The following HORMAD2 variants were observed in gnomAD, a reference collection of about 807,000 sequenced individuals.
HORMAD2 encodes the protein HORMA domain containing 2.
A neutral mutation model predicts 38.8 loss-of-function variants in HORMAD2; 45 were observed. The ratio of observed to expected loss-of-function variants is 1.16; its 90% CI spans 0.91 to 1.49. The LOEUF (loss-of-function observed/expected upper bound fraction) is 1.49, where lower values mean the gene tolerates loss of function less well. Ranked by LOEUF, HORMAD2 falls within the 40% of genes most tolerant of loss-of-function variation. HORMAD2 has a pLI of 0.00. For synonymous variants in HORMAD2, 126 were observed against 122.8 expected (o/e 1.03, Z -0.17); for missense variants, 338 against 367.0 (o/e 0.92, Z 0.65).
rs568215616 is a variant in HORMAD2, at chr22:30,094,585, T to C, written c.51+582T>C. Among the ~76,000 whole-genome samples the C allele has an allele frequency of 8.5e-5, 13 of 152,272 alleles. No individual in the cohort carries two copies. The South Asian group carries it at 2.7e-3, about 32-fold the overall frequency. On this transcript the variant is annotated intron_variant, in intron 2 of 10. Transcript: ENST00000336726. ...CATCTTCCAAAAGTTTATAATCTGGTTAGGAGTTAAGTCAATATACAAAGC... is the reference window on the plus strand; with the variant it reads ...CATCTTCCAAAAGTTTATAATCTGGCTAGGAGTTAAGTCAATATACAAAGC...
intron 10 of HORMAD2, among the ~76,000 whole-genome samples, chr22:30,154,302 A>C (rs1167982245): frequency 6.6e-6 from 1 of 152,220 alleles, no homozygotes; most frequent in African/African-American, 2.4e-5. Flanking sequence ...TAAAATCTAC[A>C]TTTTTGTATA....
downstream of HORMAD2, among the ~76,000 whole-genome samples, chr22:30,177,721 T>C (rs2123754253): frequency 6.7e-6 from 1 of 149,464 alleles, no homozygotes; most frequent in East Asian, 2.0e-4. Context: ...GGAGCTTTTT[T>C]TTTTTTTTTT....
intron 1 of HORMAD2, among the ~76,000 whole-genome samples, chr22:30,087,550 G>A (rs1334349655): frequency 6.6e-6 from 1 of 152,146 alleles, no homozygotes; most frequent in Non-Finnish European, 1.5e-5. Flanking sequence ...CTGAGACTGG[G>A]TAATTTATAA....
the HORMAD2 span, among the ~76,000 whole-genome samples, chr22:30,186,358 C>CTTTTTTTTTTTTT: frequency 7.5e-6 from 1 of 133,008 alleles, no homozygotes; most frequent in African/African-American, 2.8e-5. Context: ...TCCTTCTGTC[C>CTTTTTTTTTTTTT]TTTTTTTTTT....
intron 7 of HORMAD2, among the ~76,000 whole-genome samples, chr22:30,114,260 A>G (rs5753013): frequency 0.16 from 23,945 of 152,144 alleles, 4,088 homozygotes; most frequent in African/African-American, 0.42. Flanking sequence ...TTATGGGTAG[A>G]TAGTGATGCC....
chr22:30,194,848 C>T, the HORMAD2 span, among the ~76,000 whole-genome samples: 1 of 152,018 alleles, frequency 6.6e-6, no homozygotes, highest in Non-Finnish European at 1.5e-5. Flanking sequence ...TTTTATAGCC[C>T]GTGTTGGTCA....
intron 10 of HORMAD2, among the ~76,000 whole-genome samples, chr22:30,152,824 T>C (rs1924834754): frequency 6.6e-6 from 1 of 152,236 alleles, no homozygotes; most frequent in African/African-American, 2.4e-5. Flanking sequence ...TATGCTCTTC[T>C]AGCTCTATGT....
At chr22:30,124,311 A>C (rs1922686317) in intron 10 of HORMAD2, among the ~76,000 whole-genome samples, 1 of 151,886 alleles carries the variant, frequency 6.6e-6, no homozygotes, top group South Asian at 2.1e-4. Flanking sequence ...ATGTGTATAC[A>C]TATGTAGAAT....
At chr22:30,143,832 C>T (rs2412974) in intron 10 of HORMAD2, among the ~76,000 whole-genome samples, 67,845 of 151,798 alleles carry the variant, frequency 0.45, 16,094 homozygotes, top group African/African-American at 0.6. Context: ...CTTTGTGCTG[C>T]CCTTGTAATG....
chr22:30,199,943 C>G, the HORMAD2 span, among the ~76,000 whole-genome samples: 1 of 151,934 alleles, frequency 6.6e-6, no homozygotes, highest in Non-Finnish European at 1.5e-5. Flanking sequence ...AACCCTGTCT[C>G]TACTAAAAAT....
intron 3 of HORMAD2, among the ~76,000 whole-genome samples, chr22:30,102,826 C>T (rs1920961146): frequency 6.6e-6 from 1 of 152,040 alleles, no homozygotes; most frequent in Non-Finnish European, 1.5e-5. Context: ...GGTGAGGTTT[C>T]ACTAGGTTGC....
At chr22:30,138,460 A>G (rs1420009890) in intron 10 of HORMAD2, among the ~76,000 whole-genome samples, 4 of 152,044 alleles carry the variant, frequency 2.6e-5, no homozygotes, top group Non-Finnish European at 5.9e-5. Flanking sequence ...GAGCCTCTGC[A>G]TCCAGCTTCC....
At chr22:30,078,002 G>A (rs1038353133), upstream of HORMAD2, among the ~76,000 whole-genome samples, 2 of 152,106 alleles carry the variant, frequency 1.3e-5, no homozygotes, top group East Asian at 1.9e-4. Flanking sequence ...TTAAGCCAGC[G>A]GTAAAGATGA....
At chr22:30,087,692 A>G (rs2068593828) in intron 1 of HORMAD2, among the ~76,000 whole-genome samples, 1 of 151,828 alleles carries the variant, frequency 6.6e-6, no homozygotes, top group Non-Finnish European at 1.5e-5. Context: ...GGCACATCTT[A>G]CATGGCCAAA....
the HORMAD2 span, among the ~76,000 whole-genome samples, chr22:30,185,881 G>A: frequency 6.6e-6 from 1 of 151,140 alleles, no homozygotes; most frequent in African/African-American, 2.4e-5. Flanking sequence ...AAAATAAAAA[G>A]AGCTTTCACT....
chr22:30,168,920 T>C (rs981284337), intron 10 of HORMAD2, among the ~76,000 whole-genome samples: 1 of 152,128 alleles, frequency 6.6e-6, no homozygotes, highest in African/African-American at 2.4e-5. Context: ...CAGACTCTCA[T>C]TACAAAGTCC....
intron 2 of HORMAD2, among the ~76,000 whole-genome samples, chr22:30,095,523 G>A (rs5763766): frequency 0.088 from 13,454 of 152,098 alleles, 1,032 homozygotes; most frequent in South Asian, 0.23. Context: ...TCTGCACTCC[G>A]CCTTCAAAGA....
intron 10 of HORMAD2, among the ~76,000 whole-genome samples, chr22:30,142,602 C>T (rs1338578560): frequency 6.6e-6 from 1 of 152,020 alleles, no homozygotes; most frequent in African/African-American, 2.4e-5. Context: ...CTTTTATTAT[C>T]CCCAAATGCC....
chr22:30,139,336 C>G (rs953049005), intron 10 of HORMAD2, among the ~76,000 whole-genome samples: 2 of 143,084 alleles, frequency 1.4e-5, no homozygotes, highest in Non-Finnish European at 3.0e-5. Context: ...AATAACCTGT[C>G]TCTCTCTCTA....
Sources: gnomAD v4.1 joint callset for allele counts (sites outside exome capture counted in the v4.1 genomes callset) on GRCh38, gnomAD v4.1.1 for gene constraint, MANE v1.5 for transcripts, NCBI Gene and HGNC (gene_info 2026-07-23, HGNC 2026-07-21) for gene names.